PUM3: variants seen among roughly 807,000 people sequenced by gnomAD.
The protein encoded by PUM3 is pumilio RNA binding family member 3.
Under a neutral mutation model 84.0 loss-of-function variants are expected in PUM3, and 91 were observed. The observed-to-expected ratio is 1.08, with a 90% CI of 0.91 to 1.29. The LOEUF is 1.29. Among genes scored for constraint, PUM3 ranks in the 50% most tolerant of loss-of-function variants. The pLI is 0.00. For synonymous variants in PUM3, 321 were observed against 266.7 expected (o/e 1.20, Z -1.98); for missense variants, 1,067 against 767.5 (o/e 1.39, Z -4.61).
At chr9:2,843,555 G>A (rs1220085778) in intron 1 of PUM3, among the ~76,000 whole-genome samples, 2 of 151,702 alleles carry the variant, frequency 1.3e-5, no homozygotes, top group African/African-American at 2.4e-5. Context: ...GTGGGAGAGA[G>A]GTCGGAGTCC....
intron 9 of PUM3, 146 bp downstream of exon 9, chr9:2,828,529 T>C (rs1411775164): frequency 1.7e-6 from 1 of 579,086 alleles, no homozygotes; most frequent in Non-Finnish European, 3.0e-6. Context: ...CCAAGAATGG[T>C]TTCAAACCAA....
At chr9:2,831,120 TA>T in intron 6 of PUM3, 92 bp from the exon 7 acceptor site, 1 of 995,140 alleles carries the variant, frequency 1.0e-6, no homozygotes, top group Non-Finnish European at 1.5e-6. Flanking sequence ...AAGGAAAAAA[TA>T]AAAACAAAAA....
At chr9:2,822,704 T>A (rs1815685528) in intron 12 of PUM3, among the ~76,000 whole-genome samples, 1 of 142,334 alleles carries the variant, frequency 7.0e-6, no homozygotes, top group Non-Finnish European at 1.5e-5. Context: ...GAATTATAAT[T>A]ATGAATTATA....
rs1192965829 is a variant in PUM3, at chr9:2,804,208, A to T, written c.*123T>A. On this transcript the variant is annotated 3_prime_UTR_variant, in exon 18 of 18. Transcript: ENST00000397885. ...TATATAAATAGATTCGTATACAAAG[A>T]AGAAACACATATACAGAGTACCCCA... is the stretch of plus-strand genomic sequence containing the variant. The T allele has an allele frequency of 1.1e-6, 1 of 895,228 alleles. No homozygotes were observed. The highest frequency in any genetic ancestry group is 1.7e-5 in the African/African-American group (1 of 59,584). The allele number at this position is 895,228 out of a possible 1,614,324, so 55.5% of individuals were successfully genotyped here.
rs2270891 is a variant in PUM3, at chr9:2,828,742, C to T, written c.889G>A (p.Val297Ile). Residue 297 changes from valine to isoleucine, a missense_variant, in exon 9 of 18, where the codon GTA becomes ATA. Transcript: ENST00000397885. ...ATAAGTTCTAATTTTTCTGGCTGTA[C>T]CTCTAACACTTTGTCCAGAGTTCGG... ...DHRTLDKVLE[V>I]QPEKLELIMD... The T allele has an allele frequency of 2.6e-5, 41 of 1,607,416 alleles. No homozygotes were observed. The South Asian group carries it at 4.4e-4, about 17-fold the overall frequency.
chr9:2,831,222 T>C (rs1400040844), intron 6 of PUM3, 29 bp downstream of exon 6: 1 of 1,410,912 alleles, frequency 7.1e-7, no homozygotes, highest in Non-Finnish European at 9.9e-7. Flanking sequence ...TTGCAAATGA[T>C]AACATAATCT....
chr9:2,816,073 T>C (rs1821461746), intron 13 of PUM3, among the ~76,000 whole-genome samples: 1 of 152,184 alleles, frequency 6.6e-6, no homozygotes, highest in African/African-American at 2.4e-5. Flanking sequence ...GTGTGCGTTT[T>C]TGGTTGAGGG....
chr9:2,817,718 G>T (rs79136361), intron 13 of PUM3, among the ~76,000 whole-genome samples: 4 of 152,296 alleles, frequency 2.6e-5, no homozygotes, highest in African/African-American at 4.8e-5. Flanking sequence ...TCAGGGATGG[G>T]TACACAAAGG....
At chr9:2,831,068 T>A (rs750804843) in intron 6 of PUM3, 40 bp from the exon 7 acceptor site, 60 of 1,129,906 alleles carry the variant, frequency 5.3e-5, no homozygotes, top group South Asian at 2.4e-4. Flanking sequence ...TCAGATCTCA[T>A]TTCAGTTCTC....
intron 1 of PUM3, among the ~76,000 whole-genome samples, chr9:2,840,984 A>C (rs1341404002): frequency 6.6e-6 from 1 of 152,370 alleles, no homozygotes; most frequent in East Asian, 1.9e-4. Context: ...ACTTATGCAT[A>C]TGCACATACC....
At chr9:2,823,236 T>C (rs1056578087) in intron 12 of PUM3, among the ~76,000 whole-genome samples, 106 of 152,198 alleles carry the variant, frequency 7.0e-4, no homozygotes, top group African/African-American at 2.0e-3. Context: ...AAAACTTTTG[T>C]ACCTATGAAT....
chr9:2,832,460 A>C (rs530651904), intron 5 of PUM3, among the ~76,000 whole-genome samples: 4 of 152,334 alleles, frequency 2.6e-5, no homozygotes, highest in African/African-American at 9.6e-5. Flanking sequence ...GCTGGTTAAC[A>C]CAATTCCTAG....
intron 13 of PUM3, among the ~76,000 whole-genome samples, chr9:2,815,373 G>C (rs889373697): frequency 6.6e-6 from 1 of 152,122 alleles, no homozygotes; most frequent in African/African-American, 2.4e-5. Context: ...TTGGGTTACA[G>C]AGAAAATGGG....
intron 17 of PUM3, among the ~76,000 whole-genome samples, chr9:2,807,600 CAAAAAAAAAAAAA>C (rs71329449): frequency 1.2e-4 from 8 of 67,108 alleles, no homozygotes; most frequent in Non-Finnish European, 2.0e-4. Flanking sequence ...GACTCCATCT[CAAAAAAAAAAAAA>C]AAAAAAAAAA....
At chr9:2,810,589 A>G (rs1254792526) in intron 15 of PUM3, among the ~76,000 whole-genome samples, 158 bp from the exon 16 acceptor site, 2 of 152,218 alleles carry the variant, frequency 1.3e-5, no homozygotes, top group African/African-American at 2.4e-5. Flanking sequence ...GACAACCATC[A>G]TACTTGGGGG....
chr9:2,820,545 A>C (rs565635987), intron 12 of PUM3, among the ~76,000 whole-genome samples: 1 of 152,254 alleles, frequency 6.6e-6, no homozygotes, highest in East Asian at 1.9e-4. Context: ...ATACACACAC[A>C]CACACGATAT....
intron 10 of PUM3, among the ~76,000 whole-genome samples, chr9:2,825,906 C>T (rs1004663411): frequency 1.4e-4 from 21 of 152,102 alleles, no homozygotes; most frequent in African/African-American, 4.3e-4. Context: ...CCTCATGCCA[C>T]GAAAGAGAGG....
rs778381965 is a variant in PUM3, at chr9:2,838,445, G to C, written c.63C>G (p.Asn21Lys). ...TCTTACCACTATTTTTATGAAATCTGTTTTTTTCTTGTGCTGTCTTTGTAC... is the reference window on the plus strand; with the variant it reads ...TCTTACCACTATTTTTATGAAATCTCTTTTTTTCTTGTGCTGTCTTTGTAC... ...GKSTKTAQEK[N>K]RFHKNSDSGS... Residue 21 changes from asparagine (N) to lysine (K), a missense_variant, in exon 2 of 18, where the codon AAC becomes AAG. Asn to Lys is a moderately conservative substitution (Grantham distance 94). Transcript: ENST00000397885. The C allele has an allele frequency of 2.5e-6, 4 of 1,611,322 alleles. No homozygotes were observed. In the South Asian group the frequency reaches 4.4e-5, roughly 18 times the overall value.
chr9:2,816,657 CCTT>C (rs1258916187), intron 13 of PUM3, among the ~76,000 whole-genome samples: 1 of 152,178 alleles, frequency 6.6e-6, no homozygotes. Flanking sequence ...TCCCACATCT[CCTT>C]GTCTCACACC....
Sources: allele counts gnomAD v4.1 joint callset (sites outside exome capture counted in the v4.1 genomes callset), GRCh38; gene constraint gnomAD v4.1.1; transcripts MANE v1.5; gene names NCBI Gene and HGNC (gene_info 2026-07-23, HGNC 2026-07-21).